FREM3: variants seen among roughly 807,000 people sequenced by gnomAD.
FREM3 encodes the protein FRAS1-related extracellular matrix protein 3.
Under a neutral mutation model 129.1 loss-of-function variants are expected in FREM3, and 105 were observed. The ratio of observed to expected loss-of-function variants is 0.81; its 90% CI spans 0.69 to 0.96. The LOEUF (loss-of-function observed/expected upper bound fraction) is 0.96, where lower values mean the gene tolerates loss of function less well. FREM3 is among the 40% of genes least tolerant of loss of function. The probability of loss-of-function intolerance (pLI) is 0.00; values close to 1 mark genes in which losing one functional copy is unlikely to be tolerated. For synonymous variants in FREM3, 1,014 were observed against 1,044.9 expected (o/e 0.97, Z 0.57); for missense variants, 2,593 against 2,666.3 (o/e 0.97, Z 0.61).
intron 6 of FREM3, among the ~76,000 whole-genome samples, chr4:143,592,074 T>G (rs563122015): frequency 6.6e-6 from 1 of 152,340 alleles, no homozygotes; most frequent in East Asian, 1.9e-4. Context: ...CCTGCCTTTT[T>G]TTGTTTTCCA....
chr4:143,659,246 C>A (rs1578854934), intron 2 of FREM3, among the ~76,000 whole-genome samples: 3 of 151,132 alleles, frequency 2.0e-5, no homozygotes. Flanking sequence ...CTCCCCCCTA[C>A]CCCCACCAAC....
chr4:143,632,709 G>T (rs577771478), intron 2 of FREM3, among the ~76,000 whole-genome samples: 1 of 152,198 alleles, frequency 6.6e-6, no homozygotes, highest in South Asian at 2.1e-4. Context: ...CTCACCTATA[G>T]CAGGAATGTC....
chr4:143,674,572 C>G (rs1220971553), intron 2 of FREM3, among the ~76,000 whole-genome samples: 2 of 152,176 alleles, frequency 1.3e-5, no homozygotes, highest in Non-Finnish European at 2.9e-5. Context: ...GAGCTACAGG[C>G]TCCAATTAAA....
intron 2 of FREM3, among the ~76,000 whole-genome samples, chr4:143,684,721 C>A (rs4835523): frequency 0.073 from 11,082 of 152,112 alleles, 1,081 homozygotes; most frequent in African/African-American, 0.21. Flanking sequence ...GAGGGACCAG[C>A]GGAAGGCGAA....
In FREM3 at chr4:143,696,811, G is replaced by C. The variant is rs943575726; in HGVS notation, c.3865C>G (p.His1289Asp). 32 of 1,537,780 alleles carry C rather than the reference G, an allele frequency of 2.1e-5. No individual in the cohort carries two copies. The highest frequency in any genetic ancestry group is 2.8e-5 in the Non-Finnish European group (32 of 1,147,018). ...SFEVWLSDGK[H>D]TTHRKVPIVV... ...ATGGGTACCTTCCTGTGGGTTGTGT[G>C]CTTGCCGTCACTCAGCCAGACCTCA... The change falls in exon 1 of 8, where the codon CAC becomes GAC. Residue 1289 changes from histidine (H) to aspartate (D), a missense_variant. This residue lies in a region of FREM3 where 2,276 missense variants were observed against 2,267.2 expected (regional missense o/e 1.00). Transcript: ENST00000329798.
chr4:143,686,468 C>A (rs1740365504), intron 2 of FREM3, among the ~76,000 whole-genome samples: 1 of 152,096 alleles, frequency 6.6e-6, no homozygotes, highest in Non-Finnish European at 1.5e-5. Context: ...TACCTTGGAA[C>A]AAATGGACTT....
chr4:143,676,534 C>T (rs1382942862), intron 2 of FREM3, among the ~76,000 whole-genome samples: 1 of 152,152 alleles, frequency 6.6e-6, no homozygotes, highest in African/African-American at 2.4e-5. Context: ...GTTGGAAGTT[C>T]TGGCCAGGGC....
In FREM3 at chr4:143,696,308, GC is replaced by G. The variant is rs774596760; in HGVS notation, c.4367del (p.Ser1456ThrfsTer18). On this transcript the variant is annotated frameshift_variant, in exon 1 of 8. Transcript: ENST00000329798. LOFTEE classifies it high-confidence loss of function. ...NNLLTNSDIN[S>X]SDEHHFSITR... The stretch of plus-strand genomic sequence containing the variant: ...TAATGCTAAAGTGATGTTCATCAGA[GC>G]TGTTGATGTCACTGTTGGTAAGCAG... The G allele has an allele frequency of 6.4e-5, 99 of 1,537,364 alleles. No homozygotes were observed. The highest frequency in any genetic ancestry group is 7.2e-5 in the Non-Finnish European group (83 of 1,146,942).
intron 2 of FREM3, among the ~76,000 whole-genome samples, chr4:143,664,707 C>A (rs182321276): frequency 1.6e-4 from 25 of 152,292 alleles, no homozygotes; most frequent in African/African-American, 5.5e-4. Context: ...CCTACAGAGG[C>A]AGGCAGGCCT....
chr4:143,587,727 A>T (rs1424364436), intron 6 of FREM3, among the ~76,000 whole-genome samples: 4 of 135,600 alleles, frequency 2.9e-5, no homozygotes, highest in African/African-American at 1.1e-4. Flanking sequence ...AGAAAAGCTG[A>T]TCCTGTTTAT....
intron 5 of FREM3, among the ~76,000 whole-genome samples, chr4:143,615,801 A>T (rs761209320): frequency 5.3e-5 from 8 of 151,996 alleles, no homozygotes; most frequent in South Asian, 2.1e-4. Context: ...CCCAACCTGA[A>T]ATCCCATAAC....
At chr4:143,693,895 C>T (rs748188282) in intron 1 of FREM3, among the ~76,000 whole-genome samples, 1 of 152,082 alleles carries the variant, frequency 6.6e-6, no homozygotes, top group Non-Finnish European at 1.5e-5. Flanking sequence ...ACTGCATATT[C>T]TCACTTATAA....
At chr4:143,608,983 T>G (rs2149838811) in intron 6 of FREM3, among the ~76,000 whole-genome samples, 1 of 152,268 alleles carries the variant, frequency 6.6e-6, no homozygotes, top group Non-Finnish European at 1.5e-5. Flanking sequence ...ATCATTTTTG[T>G]GTATGGGTGG....
At chr4:143,630,992 G>A (rs1739128302) in intron 2 of FREM3, among the ~76,000 whole-genome samples, 1 of 152,110 alleles carries the variant, frequency 6.6e-6, no homozygotes, top group Non-Finnish European at 1.5e-5. Context: ...AAAAAAGACT[G>A]TCCATCAGAA....
chr4:143,666,620 C>T (rs931344692), intron 2 of FREM3, among the ~76,000 whole-genome samples: 11 of 151,834 alleles, frequency 7.2e-5, no homozygotes, highest in African/African-American at 1.9e-4. Flanking sequence ...GTGAAATAAG[C>T]GAGACACAAA....
intron 2 of FREM3, among the ~76,000 whole-genome samples, chr4:143,669,565 A>G (rs565515955): frequency 5.9e-5 from 9 of 151,942 alleles, no homozygotes; most frequent in African/African-American, 2.2e-4. Flanking sequence ...TATAGGCCTG[A>G]GCCACTATGC....
rs866440438 is a variant in FREM3 at position 143,646,676 on chromosome 4, G to A, written c.5276-18916C>T. On this transcript the variant is annotated intron_variant, in intron 2 of 7. Coordinates refer to ENST00000329798, the MANE Select transcript of FREM3 (RefSeq NM_001168235.2). Reference sequence around the variant, plus strand: ...AATTTCTTGAGGCCCTCCCAGCCCTGCAGAACTGTGAATCAATTAAACCTC... The same window carrying A: ...AATTTCTTGAGGCCCTCCCAGCCCTACAGAACTGTGAATCAATTAAACCTC... Among the ~76,000 whole-genome samples, 3 of 152,202 alleles carry A rather than the reference G, an allele frequency of 2.0e-5. No homozygotes were observed. The South Asian group carries it at 6.2e-4, about 32-fold the overall frequency.
At chr4:143,690,255 A>G (rs955834849) in intron 2 of FREM3, among the ~76,000 whole-genome samples, 7 of 152,170 alleles carry the variant, frequency 4.6e-5, no homozygotes, top group Non-Finnish European at 1.0e-4. Context: ...ACTAAAGCAC[A>G]GGCAGTTTCT....
At chr4:143,661,017 A>T (rs1237161664) in intron 2 of FREM3, among the ~76,000 whole-genome samples, 2 of 152,220 alleles carry the variant, frequency 1.3e-5, no homozygotes. Flanking sequence ...ATATACAATC[A>T]TGTCATCTGC....
Sources: gnomAD v4.1 joint callset for allele counts (sites outside exome capture counted in the v4.1 genomes callset) on GRCh38, gnomAD v4.1.1 for gene constraint, gnomAD v4.1.1 regional missense constraint, MANE v1.5 for transcripts, NCBI Gene and HGNC (gene_info 2026-07-23, HGNC 2026-07-21) for gene names.